RBMS3: variants seen among roughly 807,000 people sequenced by gnomAD.
RBMS3 encodes RNA-binding motif, single-stranded-interacting protein 3.
RBMS3 carries 27 observed loss-of-function variants against 66.8 expected under a neutral mutation model. The observed-to-expected ratio is 0.40, with a 90% CI of 0.30 to 0.56. RBMS3 has a LOEUF of 0.56. RBMS3 is among the 20% of genes least tolerant of loss of function. The pLI is 0.40. For synonymous variants in RBMS3, 188 were observed against 183.0 expected (o/e 1.03, Z -0.22); for missense variants, 513 against 549.5 (o/e 0.93, Z 0.66).
chr3:30,002,674 C>G (rs937922170), intron 14 of RBMS3, among the ~76,000 whole-genome samples: 1 of 151,924 alleles, frequency 6.6e-6, no homozygotes, highest in Non-Finnish European at 1.5e-5. Flanking sequence ...ATTGAATATT[C>G]GATCTCTCAA....
At chr3:29,942,282 G>A (rs148344914) in intron 11 of RBMS3, among the ~76,000 whole-genome samples, 238 of 151,888 alleles carry the variant, frequency 1.6e-3, no homozygotes, top group Non-Finnish European at 2.6e-3. Context: ...ACTTTGGGAA[G>A]CTGAGGCAGG....
chr3:29,755,844 A>C (rs1427898244), intron 5 of RBMS3, among the ~76,000 whole-genome samples: 4 of 152,234 alleles, frequency 2.6e-5, no homozygotes, highest in Admixed American at 2.0e-4. Context: ...AAGATTACAC[A>C]GTCGATAGAA....
chr3:29,584,050 C>T (rs1249142371), intron 3 of RBMS3, among the ~76,000 whole-genome samples: 2 of 152,114 alleles, frequency 1.3e-5, no homozygotes, highest in African/African-American at 4.8e-5. Context: ...TGTAAATCCT[C>T]CTCCTCATCT....
intron 3 of RBMS3, among the ~76,000 whole-genome samples, chr3:29,553,609 C>T (rs546121308): frequency 2.6e-4 from 39 of 152,090 alleles, no homozygotes; most frequent in African/African-American, 7.2e-4. Flanking sequence ...TTCACCAAAA[C>T]GATCAAGAGC....
At position 29,532,984 on chromosome 3, in the gene RBMS3, T is replaced by C. The variant is rs527967102; in HGVS notation, c.307+44485T>C. ...GAATTTCTACATAGATCTTTTTTTT[T>C]AGGTACTGCCTTAAAAGTTTCTGAT... is the stretch of plus-strand genomic sequence containing the variant. On this transcript the variant is annotated intron_variant, in intron 3 of 14. Coordinates refer to ENST00000383767, the MANE Select transcript of RBMS3 (RefSeq NM_001003793.3). 2.6e-5 allele frequency among the ~76,000 whole-genome samples: 4 copies of C among 152,322 alleles called. No individual in the cohort carries two copies. The East Asian group carries it at 7.7e-4, about 29-fold the overall frequency.
At chr3:29,814,320 A>G (rs1004336879) in intron 6 of RBMS3, among the ~76,000 whole-genome samples, 4 of 152,184 alleles carry the variant, frequency 2.6e-5, no homozygotes, top group African/African-American at 9.7e-5. Flanking sequence ...CTTGCATCCC[A>G]GGGATGAAGC....
intron 4 of RBMS3, among the ~76,000 whole-genome samples, chr3:29,712,268 C>T (rs996210922): frequency 4.0e-5 from 6 of 151,842 alleles, no homozygotes; most frequent in African/African-American, 1.5e-4. Flanking sequence ...GAGGGTGTTT[C>T]TGGGAAAGAT....
At chr3:29,538,030 G>C (rs551775922) in intron 3 of RBMS3, among the ~76,000 whole-genome samples, 19 of 152,112 alleles carry the variant, frequency 1.2e-4, no homozygotes, top group Admixed American at 1.2e-3. Context: ...TTATATCTTG[G>C]AAAGTAACCT....
rs2050843347 is a variant in RBMS3, at chr3:29,668,181, GT to G, written c.400-71537del. Among the ~76,000 whole-genome samples, 8 of 152,310 alleles carry G rather than the reference GT, an allele frequency of 5.3e-5. No homozygotes were observed. The South Asian group carries it at 1.7e-3, about 32-fold the overall frequency. On this transcript the variant is annotated intron_variant, in intron 4 of 14. Transcript: ENST00000383767. ...TAATACAGGAATTGTTTACAAAAAT[GT>G]TAGGACTGGAGGAGAAAAGAGCAAA...
intron 4 of RBMS3, among the ~76,000 whole-genome samples, chr3:29,639,840 G>A (rs1008776405): frequency 2.4e-4 from 37 of 151,830 alleles, no homozygotes; most frequent in African/African-American, 8.7e-4. Context: ...TTTTTAAAGG[G>A]AAAAGAAGAG....
chr3:29,356,103 C>T (rs537783305), intron 1 of RBMS3, among the ~76,000 whole-genome samples: 16 of 152,240 alleles, frequency 1.1e-4, no homozygotes, highest in South Asian at 2.1e-4. Flanking sequence ...GTTAACTACA[C>T]GTAGATATAT....
chr3:29,745,593 G>A (rs917247286), intron 5 of RBMS3, among the ~76,000 whole-genome samples: 1 of 152,128 alleles, frequency 6.6e-6, no homozygotes, highest in Non-Finnish European at 1.5e-5. Flanking sequence ...AGTGATGGGT[G>A]GGGGACAGGG....
chr3:29,771,416 C>A (rs1466958224), intron 6 of RBMS3, among the ~76,000 whole-genome samples: 1 of 151,906 alleles, frequency 6.6e-6, no homozygotes, highest in African/African-American at 2.4e-5. Flanking sequence ...CAGAACAATA[C>A]CAATATCATT....
chr3:29,333,816 T>G (rs1018892545), intron 1 of RBMS3, among the ~76,000 whole-genome samples: 2 of 152,210 alleles, frequency 1.3e-5, no homozygotes, highest in Non-Finnish European at 2.9e-5. Flanking sequence ...TGATTTTTGA[T>G]ATGACAGACA....
chr3:29,946,016 A>G (rs1577219510), intron 12 of RBMS3, among the ~76,000 whole-genome samples: 2 of 151,916 alleles, frequency 1.3e-5, no homozygotes, highest in East Asian at 3.9e-4. Context: ...CCAGCAGTGG[A>G]GTATGAAGGA....
intron 3 of RBMS3, among the ~76,000 whole-genome samples, chr3:29,581,630 A>G (rs779159214): frequency 1.8e-4 from 27 of 152,174 alleles, no homozygotes; most frequent in South Asian, 2.1e-4. Flanking sequence ...TCTTAGCCCA[A>G]ATGTTTGCTT....
intron 5 of RBMS3, among the ~76,000 whole-genome samples, chr3:29,744,192 C>A (rs1245383133): frequency 3.3e-5 from 5 of 152,072 alleles, no homozygotes; most frequent in African/African-American, 4.8e-5. Flanking sequence ...AACTATCCCC[C>A]TTCCTGTTCC....
chr3:29,590,407 A>G (rs981665926), intron 4 of RBMS3, among the ~76,000 whole-genome samples: 1 of 152,112 alleles, frequency 6.6e-6, no homozygotes, highest in African/African-American at 2.4e-5. Context: ...TTTAATTCAA[A>G]TTTGCTACTA....
At chr3:29,409,154 A>G (rs922629593) in intron 1 of RBMS3, among the ~76,000 whole-genome samples, 1 of 150,892 alleles carries the variant, frequency 6.6e-6, no homozygotes. Context: ...TATTTTCTGT[A>G]TAACAAATAG....
Sources: allele counts gnomAD v4.1 joint callset (sites outside exome capture counted in the v4.1 genomes callset), GRCh38; gene constraint gnomAD v4.1.1; transcripts MANE v1.5; gene names NCBI Gene and HGNC (gene_info 2026-07-23, HGNC 2026-07-21).